The following IGSF10 variants were observed in gnomAD, a reference collection of about 807,000 sequenced individuals.
IGSF10 encodes the protein calvaria mechanical force protein 608.
A neutral mutation model predicts 128.2 loss-of-function variants in IGSF10; 126 were observed. The observed-to-expected ratio is 0.98, with a 90% CI of 0.85 to 1.14. The LOEUF (loss-of-function observed/expected upper bound fraction) is 1.14, where lower values mean the gene tolerates loss of function less well. Among genes scored for constraint, IGSF10 ranks in the 50% most tolerant of loss-of-function variants. The pLI, the probability that IGSF10 is intolerant of heterozygous loss-of-function variation, is 0.00. For synonymous variants in IGSF10, 1,185 were observed against 1,146.2 expected, an observed-to-expected ratio of 1.03 and a Z score of -0.68; for missense variants, 3,295 against 3,149.8, an observed-to-expected ratio of 1.05 and a Z score of -1.10.
rs1158016640 is a variant in IGSF10 at position 151,437,696 on chromosome 3, T to C, written c.6865A>G (p.Arg2289Gly). ...IFLTAPYYGSRITVHKNGTLE... is the reference protein window; with the variant it reads ...IFLTAPYYGSGITVHKNGTLE... ...GTTCCATTTTTATGGACTGTGATTC[T>C]GCTTCCATAGTATGGGGCTGTGAGG... The change falls in exon 8 of 8, where the codon AGA becomes GGA. Residue 2289 changes from arginine to glycine, a missense_variant. Coordinates refer to ENST00000282466, the MANE Select transcript of IGSF10 (RefSeq NM_178822.5). 6.2e-7 allele frequency: 1 copy of C among 1,614,216 alleles called. No individual in the cohort carries two copies. The highest frequency in any genetic ancestry group is 2.2e-5 in the East Asian group (1 of 44,882).
the IGSF10 span, among the ~76,000 whole-genome samples, chr3:151,598,967 C>T: frequency 6.6e-6 from 1 of 152,156 alleles, no homozygotes; most frequent in Non-Finnish European, 1.5e-5. Context: ...AGAAAGGCAA[C>T]AGACTTCCAA....
chr3:151,611,479 T>C, the IGSF10 span, among the ~76,000 whole-genome samples: 7 of 152,194 alleles, frequency 4.6e-5, no homozygotes, highest in Admixed American at 3.3e-4. Flanking sequence ...AATCCTTGAT[T>C]TTCTTTCTGT....
the IGSF10 span, among the ~76,000 whole-genome samples, chr3:151,509,334 C>A: frequency 6.6e-6 from 1 of 152,180 alleles, no homozygotes; most frequent in South Asian, 2.1e-4. Context: ...AGTCAAATTA[C>A]CTATGATAAC....
the IGSF10 span, among the ~76,000 whole-genome samples, chr3:151,503,764 T>C: frequency 1.3e-5 from 2 of 152,068 alleles, no homozygotes; most frequent in Non-Finnish European, 2.9e-5. Context: ...TCCTCAAAAA[T>C]TGGGAGACTG....
At chr3:151,573,728 A>T in the IGSF10 span, among the ~76,000 whole-genome samples, 1 of 152,176 alleles carries the variant, frequency 6.6e-6, no homozygotes, top group Admixed American at 6.5e-5. Context: ...GCCCATTTAC[A>T]TTTAAGGTTA....
chr3:151,522,363 T>C, the IGSF10 span, among the ~76,000 whole-genome samples: 1 of 152,132 alleles, frequency 6.6e-6, no homozygotes, highest in Non-Finnish European at 1.5e-5. Flanking sequence ...ATCATCCTGA[T>C]ACCAAAACCT....
chr3:151,556,182 G>A, the IGSF10 span, among the ~76,000 whole-genome samples: 1 of 152,090 alleles, frequency 6.6e-6, no homozygotes, highest in African/African-American at 2.4e-5. Flanking sequence ...TGTAGCCAGT[G>A]GTGTGAATTT....
chr3:151,526,986 G>A, the IGSF10 span, among the ~76,000 whole-genome samples: 2 of 151,694 alleles, frequency 1.3e-5, no homozygotes, highest in South Asian at 4.1e-4. Context: ...ACTGAGCAGA[G>A]TTCAGTTGCT....
At chr3:151,558,911 C>T in the IGSF10 span, among the ~76,000 whole-genome samples, 1 of 152,102 alleles carries the variant, frequency 6.6e-6, no homozygotes, top group Non-Finnish European at 1.5e-5. Context: ...TATACAGTCA[C>T]ATGTTTCCAC....
Position 151,448,919 on chromosome 3 carries a change from T to C in IGSF10, c.1062A>G (p.Leu354=), listed in dbSNP as rs772421468. The change falls in exon 6 of 8, where the codon CTA becomes CTG. Residue 354 remains leucine (L), a synonymous_variant. Transcript: ENST00000282466. The stretch of plus-strand genomic sequence containing the variant: ...CCAAAAATGTTGAAAATGAAGTATT[T>C]AGCACGATGTAGTCATTTTCTTCAG... The part of the protein sequence containing the change: ...AFTEENDYIV[L]NTSFSTFLVC... 4 of 1,614,102 alleles carry C rather than the reference T, an allele frequency of 2.5e-6. No homozygotes were observed. The African/African-American group carries it at 4.0e-5, about 16-fold the overall frequency.
Position 151,436,370 on chromosome 3 carries a change from A to T in IGSF10, c.*319T>A. On this transcript the variant is annotated 3_prime_UTR_variant, in exon 8 of 8. Coordinates refer to ENST00000282466, the MANE Select transcript of IGSF10 (RefSeq NM_178822.5). ...GTGGACACTAGGCAACTGGTATTAGAAGTTCATTTTTTTACTGAAAAATTC... is the reference window on the plus strand; with the variant it reads ...GTGGACACTAGGCAACTGGTATTAGTAGTTCATTTTTTTACTGAAAAATTC... 4.4e-6 allele frequency: 1 copy of T among 224,906 alleles called. No homozygotes were observed. The allele number at this position is 224,906 out of a possible 1,614,324, so 13.9% of individuals were successfully genotyped here.
At chr3:151,561,574 T>C in the IGSF10 span, among the ~76,000 whole-genome samples, 13 of 152,280 alleles carry the variant, frequency 8.5e-5, no homozygotes, top group African/African-American at 2.6e-4. Flanking sequence ...CTATGTAATA[T>C]GTATATCTAT....
At chr3:151,476,606 G>A in the IGSF10 span, among the ~76,000 whole-genome samples, 1 of 152,152 alleles carries the variant, frequency 6.6e-6, no homozygotes, top group East Asian at 1.9e-4. Context: ...GTGGCCTTGC[G>A]CCTTGGGACT....
the IGSF10 span, among the ~76,000 whole-genome samples, chr3:151,602,954 T>C: frequency 1.4e-4 from 22 of 152,370 alleles, no homozygotes; most frequent in South Asian, 4.1e-4. Context: ...ACAAATCTTG[T>C]ATCAAAGCAA....
chr3:151,574,396 T>C, the IGSF10 span, among the ~76,000 whole-genome samples: 10,707 of 152,092 alleles, frequency 0.07, 827 homozygotes, highest in African/African-American at 0.19. Flanking sequence ...TCCCATAATT[T>C]TTGGAGGCTT....
chr3:151,483,096 C>T, the IGSF10 span, among the ~76,000 whole-genome samples: 1 of 151,952 alleles, frequency 6.6e-6, no homozygotes, highest in Non-Finnish European at 1.5e-5. Flanking sequence ...GTCATTAACA[C>T]ATATGAAAAA....
the IGSF10 span, among the ~76,000 whole-genome samples, chr3:151,551,645 C>T: frequency 1.4e-5 from 2 of 143,986 alleles, no homozygotes; most frequent in East Asian, 4.1e-4. Context: ...ATATAAAATG[C>T]CTTGGAACAT....
chr3:151,476,817 A>T, the IGSF10 span, among the ~76,000 whole-genome samples: 1 of 152,190 alleles, frequency 6.6e-6, no homozygotes, highest in East Asian at 1.9e-4. Flanking sequence ...GCATTTTCTA[A>T]GAGCAAGTGG....
intron 1 of IGSF10, 142 bp downstream of exon 1, chr3:151,460,804 T>C (rs1577679709): frequency 2.3e-6 from 1 of 433,082 alleles, no homozygotes; most frequent in African/African-American, 2.2e-5. Flanking sequence ...CTTCTCCGGG[T>C]GCGTCTTCCC....
Sources: allele counts gnomAD v4.1 joint callset (sites outside exome capture counted in the v4.1 genomes callset), GRCh38; gene constraint gnomAD v4.1.1; transcripts MANE v1.5; gene names NCBI Gene and HGNC (gene_info 2026-07-23, HGNC 2026-07-21).